Variants in KHDRBS2 observed in about 807,000 individuals in gnomAD.
The protein encoded by KHDRBS2 is KH RNA binding domain containing, signal transduction associated 2, also known as KH domain-containing, RNA-binding, signal transduction-associated protein 2.
KHDRBS2 carries 26 observed loss-of-function variants against 44.3 expected under a neutral mutation model. The observed-to-expected ratio is 0.59, with a 90% CI of 0.43 to 0.81. The LOEUF is 0.81. Ranked by LOEUF, KHDRBS2 falls within the 40% of genes least tolerant of loss-of-function variation. The probability of loss-of-function intolerance (pLI) is 0.00; values close to 1 mark genes in which losing one functional copy is unlikely to be tolerated. For synonymous variants in KHDRBS2, 194 were observed against 151.1 expected, an observed-to-expected ratio of 1.28 and a Z score of -2.08; for missense variants, 476 against 433.1, an observed-to-expected ratio of 1.10 and a Z score of -0.88.
At chr6:61,740,170 C>T (rs531040386) in intron 6 of KHDRBS2, among the ~76,000 whole-genome samples, 24 of 151,882 alleles carry the variant, frequency 1.6e-4, no homozygotes, top group African/African-American at 4.8e-4. Flanking sequence ...AGAATTTCCC[C>T]GAAAAGTTGT....
chr6:61,760,547 C>T (rs915484948), intron 6 of KHDRBS2, among the ~76,000 whole-genome samples: 1 of 151,884 alleles, frequency 6.6e-6, no homozygotes, highest in African/African-American at 2.4e-5. Context: ...GGGAGGATCA[C>T]CCAAACCTAG....
At chr6:62,247,705 C>T (rs538366760) in intron 1 of KHDRBS2, among the ~76,000 whole-genome samples, 6 of 152,018 alleles carry the variant, frequency 3.9e-5, no homozygotes, top group East Asian at 3.9e-4. Flanking sequence ...GAGCAATCAT[C>T]GCTATGAAGA....
intron 1 of KHDRBS2, among the ~76,000 whole-genome samples, chr6:62,209,133 A>G (rs1040458701): frequency 1.3e-5 from 2 of 152,228 alleles, no homozygotes; most frequent in Admixed American, 1.3e-4. Flanking sequence ...AAATTTATAA[A>G]GAGCTCCAAC....
At chr6:62,202,107 T>C (rs1299120492) in intron 1 of KHDRBS2, among the ~76,000 whole-genome samples, 1 of 152,126 alleles carries the variant, frequency 6.6e-6, no homozygotes, top group Non-Finnish European at 1.5e-5. Flanking sequence ...GTATAGGACT[T>C]GTATTTATTC....
chr6:61,543,669 T>C, the KHDRBS2 span, among the ~76,000 whole-genome samples: 5 of 152,202 alleles, frequency 3.3e-5, no homozygotes, highest in African/African-American at 1.2e-4. Context: ...TCTTGAGCAC[T>C]ATTCAAATAT....
intron 2 of KHDRBS2, among the ~76,000 whole-genome samples, chr6:62,164,398 T>A (rs1585019621): frequency 6.6e-6 from 1 of 152,028 alleles, no homozygotes; most frequent in East Asian, 1.9e-4. Flanking sequence ...AAAAAGCCTC[T>A]ACATAGAACC....
chr6:62,175,981 A>G (rs965122575), intron 2 of KHDRBS2, among the ~76,000 whole-genome samples: 19 of 151,466 alleles, frequency 1.3e-4, no homozygotes, highest in African/African-American at 4.3e-4. Flanking sequence ...ATGTTATTCC[A>G]AGAAACATCA....
In KHDRBS2 at chr6:61,770,020, C is replaced by T. The variant is rs186629238; in HGVS notation, c.811-37256G>A. On this transcript the variant is annotated intron_variant, in intron 6 of 8. Transcript: ENST00000281156. Reference sequence around the variant, plus strand: ...AGGAACGATCAGGCAGCAGCATCTGCGGTTCACCAATATCAGCTGTTCTGC... The same window carrying T: ...AGGAACGATCAGGCAGCAGCATCTGTGGTTCACCAATATCAGCTGTTCTGC... Among the ~76,000 whole-genome samples the T allele has an allele frequency of 4.5e-3, 689 of 152,250 alleles. 9 individuals carry two copies. Among genetic ancestry groups the T allele is most frequent in the African/African-American group, 0.016 (662 of 41,550 alleles).
chr6:61,700,333 A>G (rs1377586894), intron 7 of KHDRBS2, among the ~76,000 whole-genome samples: 3 of 151,154 alleles, frequency 2.0e-5, no homozygotes, highest in South Asian at 2.1e-4. Flanking sequence ...AGAATATGAT[A>G]AAGAAGCACA....
chr6:61,746,468 C>G (rs958654957), intron 6 of KHDRBS2, among the ~76,000 whole-genome samples: 6 of 123,240 alleles, frequency 4.9e-5, no homozygotes, highest in African/African-American at 1.7e-4. Flanking sequence ...TCATCCATGT[C>G]CCTGCAAAGA....
chr6:61,599,386 G>A, the KHDRBS2 span, among the ~76,000 whole-genome samples: 1 of 152,090 alleles, frequency 6.6e-6, no homozygotes, highest in Non-Finnish European at 1.5e-5. Context: ...TTCATACAAA[G>A]TCCCAGAGGT....
At chr6:62,098,054 T>A (rs1801016735) in intron 2 of KHDRBS2, among the ~76,000 whole-genome samples, 1 of 152,108 alleles carries the variant, frequency 6.6e-6, no homozygotes, top group Admixed American at 6.6e-5. Context: ...ACATTTGGAA[T>A]TTTTAATGTT....
At chr6:61,832,066 C>A (rs1791914065) in intron 6 of KHDRBS2, among the ~76,000 whole-genome samples, 1 of 152,056 alleles carries the variant, frequency 6.6e-6, no homozygotes, top group South Asian at 2.1e-4. Flanking sequence ...CAAAGTGAGA[C>A]TCCCATCTCT....
chr6:61,667,555 G>A, the KHDRBS2 span, among the ~76,000 whole-genome samples: 1 of 151,248 alleles, frequency 6.6e-6, no homozygotes, highest in Admixed American at 6.6e-5. Flanking sequence ...CTTTTCCTAA[G>A]AGGGCTCCAA....
At chr6:61,599,492 TC>T in the KHDRBS2 span, among the ~76,000 whole-genome samples, 1 of 152,054 alleles carries the variant, frequency 6.6e-6, no homozygotes, top group East Asian at 1.9e-4. Flanking sequence ...AAAAATTCAC[TC>T]CAAGAAATAA....
chr6:61,583,435 CA>C, the KHDRBS2 span, among the ~76,000 whole-genome samples: 1 of 151,824 alleles, frequency 6.6e-6, no homozygotes, highest in East Asian at 1.9e-4. Context: ...ATTATGAATT[CA>C]ACAAGATTCT....
intron 3 of KHDRBS2, among the ~76,000 whole-genome samples, chr6:62,045,333 C>A (rs1376133858): frequency 6.6e-6 from 1 of 151,948 alleles, no homozygotes; most frequent in South Asian, 2.1e-4. Context: ...AGTACAGATT[C>A]TCCCTCAGGG....
At position 62,061,599 on chromosome 6, in the gene KHDRBS2, C is replaced by A. The variant is rs1212828328; in HGVS notation, c.220-13605G>T. ...TAACCCGAGCTTTCTCTCTGGCTGC[C>A]CTTAACATTTTTTCCTTCATTTCAA... On this transcript the variant is annotated intron_variant, in intron 2 of 8. Transcript: ENST00000281156. Among the ~76,000 whole-genome samples, 3 of 150,260 alleles carry A rather than the reference C, an allele frequency of 2.0e-5. No individual in the cohort carries two copies. The Admixed American group carries it at 2.0e-4, about 10-fold the overall frequency.
chr6:61,662,741 C>T, the KHDRBS2 span, among the ~76,000 whole-genome samples: 1 of 151,822 alleles, frequency 6.6e-6, no homozygotes, highest in African/African-American at 2.4e-5. Flanking sequence ...ATTAAAAAGT[C>T]AGGAAACAAC....
Sources: gnomAD v4.1 joint callset for allele counts (sites outside exome capture counted in the v4.1 genomes callset) on GRCh38, gnomAD v4.1.1 for gene constraint, MANE v1.5 for transcripts, NCBI Gene and HGNC (gene_info 2026-07-23, HGNC 2026-07-21) for gene names.